CAPZB: variants seen among roughly 807,000 people sequenced by gnomAD.
The protein encoded by CAPZB is F-actin-capping protein subunit beta.
CAPZB carries 2 observed loss-of-function variants against 38.1 expected under a neutral mutation model. The ratio of observed to expected loss-of-function variants is 0.05; its 90% confidence interval spans 0.02 to 0.17. The LOEUF is 0.17. Ranked by LOEUF, CAPZB falls within the 10% of genes least tolerant of loss-of-function variation. The probability of loss-of-function intolerance (pLI) is 1.00; values close to 1 mark genes in which losing one functional copy is unlikely to be tolerated. For missense variants in CAPZB, 161 were observed against 334.2 expected (o/e 0.48, Z 4.04); for synonymous variants, 107 against 127.4 (o/e 0.84, Z 1.08).
At chr1:19,399,215 A>T (rs1223859495) in intron 2 of CAPZB, among the ~76,000 whole-genome samples, 1 of 152,168 alleles carries the variant, frequency 6.6e-6, no homozygotes, top group East Asian at 1.9e-4. Context: ...TAAAAGTGTA[A>T]ATGTTATGTT....
intron 8 of CAPZB, among the ~76,000 whole-genome samples, chr1:19,339,848 G>C (rs573984034): frequency 2.0e-4 from 30 of 152,328 alleles, no homozygotes; most frequent in Non-Finnish European, 3.2e-4. Context: ...GGTGGCATAT[G>C]GCTTACATGG....
chr1:19,370,178 A>G (rs2094112378), intron 4 of CAPZB, among the ~76,000 whole-genome samples: 1 of 152,088 alleles, frequency 6.6e-6, no homozygotes. Context: ...ACTGCCCACG[A>G]CCACTGGGAA....
At chr1:19,474,203 C>A (rs1392117380) in intron 1 of CAPZB, among the ~76,000 whole-genome samples, 1 of 152,120 alleles carries the variant, frequency 6.6e-6, no homozygotes, top group Non-Finnish European at 1.5e-5. Flanking sequence ...ACCCTGTTGG[C>A]CAGGCTGGTC....
intron 1 of CAPZB, chr1:19,484,101 G>A (rs1169504583): frequency 2.8e-6 from 4 of 1,408,710 alleles, no homozygotes; most frequent in African/African-American, 2.8e-5. Flanking sequence ...GAAACCCCAG[G>A]TTCCTCAAAA....
At chr1:19,423,051 A>AG (rs35821872) in intron 1 of CAPZB, among the ~76,000 whole-genome samples, 66,491 of 151,650 alleles carry the variant, frequency 0.44, 15,169 homozygotes, top group African/African-American at 0.56. Flanking sequence ...CCACCCCGCA[A>AG]GGGGCCGGAC....
chr1:19,360,504 G>C lies in CAPZB; in HGVS notation c.330-2941C>G, dbSNP rs77346914. Among the ~76,000 whole-genome samples the C allele has an allele frequency of 3.3e-4, 51 of 152,294 alleles. No homozygotes were observed. In the East Asian group the frequency reaches 9.7e-3, roughly 29 times the overall value. On this transcript the variant is annotated intron_variant, in intron 4 of 8. Transcript: ENST00000264202. ...GCCTGCCCAAGGCTTGCTCTCCTCT[G>C]TGTGCTGGGACACTGGGGAGATGCA...
At chr1:19,394,422 AT>A (rs1315347214) in intron 2 of CAPZB, among the ~76,000 whole-genome samples, 8 of 152,236 alleles carry the variant, frequency 5.3e-5, no homozygotes, top group African/African-American at 1.9e-4. Context: ...TTTTGGCAAC[AT>A]TAAAACGCAA....
intron 4 of CAPZB, among the ~76,000 whole-genome samples, chr1:19,367,091 C>T (rs1260640085): frequency 1.3e-5 from 2 of 152,234 alleles, no homozygotes; most frequent in Non-Finnish European, 2.9e-5. Flanking sequence ...AGAAGCTGAG[C>T]GCATCCCCTG....
chr1:19,447,888 T>C (rs1009934314), intron 1 of CAPZB, among the ~76,000 whole-genome samples: 2 of 152,180 alleles, frequency 1.3e-5, no homozygotes, highest in Non-Finnish European at 2.9e-5. Context: ...CGTAGTTCAT[T>C]TTAGGTTTAA....
At chr1:19,403,826 A>G (rs984324532) in intron 2 of CAPZB, among the ~76,000 whole-genome samples, 3 of 152,224 alleles carry the variant, frequency 2.0e-5, no homozygotes, top group Non-Finnish European at 4.4e-5. Context: ...CGCTTTGGGC[A>G]GGTGGAACTA....
At position 19,345,577 on chromosome 1, in the gene CAPZB, A is replaced by G. The variant is rs554907172; in HGVS notation, c.589-325T>C. On this transcript the variant is annotated intron_variant, in intron 6 of 8. Coordinates refer to ENST00000264202, the MANE Select transcript of CAPZB (RefSeq NM_004930.5). ...ACCAGCTCACCCGAGCCAACTGGAG[A>G]AGACTCACTCGGTTTGTCTTCAGGC... 9.2e-5 allele frequency among the ~76,000 whole-genome samples: 14 copies of G among 152,310 alleles called. No individual in the cohort carries two copies. The East Asian group carries it at 2.7e-3, about 29-fold the overall frequency.
intron 1 of CAPZB, among the ~76,000 whole-genome samples, chr1:19,432,427 G>T (rs758947995): frequency 1.3e-5 from 2 of 152,088 alleles, no homozygotes. Context: ...GGGTGATAAG[G>T]TGAGACCCTC....
At chr1:19,344,307 G>A (rs1389550009) in intron 8 of CAPZB, 51 bp downstream of exon 8, 2 of 1,465,294 alleles carry the variant, frequency 1.4e-6, no homozygotes, top group African/African-American at 2.8e-5. Flanking sequence ...GCAGAGCCAG[G>A]GTTCAAATCC....
intron 6 of CAPZB, among the ~76,000 whole-genome samples, chr1:19,353,472 C>T (rs1325841689): frequency 6.6e-6 from 1 of 152,078 alleles, no homozygotes; most frequent in Non-Finnish European, 1.5e-5. Flanking sequence ...CCCTCTTCCC[C>T]TGCCCTTCTG....
At chr1:19,441,275 G>C (rs9651023) in intron 1 of CAPZB, among the ~76,000 whole-genome samples, 68,168 of 152,014 alleles carry the variant, frequency 0.45, 15,718 homozygotes, top group African/African-American at 0.54. Context: ...GATGGGGACA[G>C]GTGGCACACT....
intron 1 of CAPZB, among the ~76,000 whole-genome samples, chr1:19,468,387 C>G (rs185427788): frequency 1.2e-4 from 18 of 152,280 alleles, no homozygotes; most frequent in Admixed American, 1.2e-3. Context: ...GGTGCTCACA[C>G]TCAACCAAGC....
At chr1:19,405,834 G>A (rs2094329032) in intron 2 of CAPZB, among the ~76,000 whole-genome samples, 1 of 152,174 alleles carries the variant, frequency 6.6e-6, no homozygotes, top group Admixed American at 6.5e-5. Context: ...ATCAATTCGA[G>A]AGCTCGCCTG....
intron 1 of CAPZB, among the ~76,000 whole-genome samples, chr1:19,483,575 G>A (rs2094638525): frequency 6.6e-6 from 1 of 152,242 alleles, no homozygotes; most frequent in South Asian, 2.1e-4. Context: ...AGCTTCAGGT[G>A]TCATGTGCTC....
intron 1 of CAPZB, among the ~76,000 whole-genome samples, chr1:19,429,599 G>A (rs902979945): frequency 2.6e-5 from 4 of 152,160 alleles, no homozygotes; most frequent in Admixed American, 6.5e-5. Context: ...TAAGGGCACC[G>A]CCCACAGAGC....
Sources: allele counts gnomAD v4.1 joint callset (sites outside exome capture counted in the v4.1 genomes callset), GRCh38; gene constraint gnomAD v4.1.1; transcripts MANE v1.5; gene names NCBI Gene and HGNC (gene_info 2026-07-23, HGNC 2026-07-21).